The following TAF4B variants were observed in gnomAD, a reference collection of about 807,000 sequenced individuals.
TAF4B encodes transcription initiation factor TFIID subunit 4B.
Under a neutral mutation model 86.4 loss-of-function variants are expected in TAF4B, and 38 were observed. That is an observed-to-expected ratio of 0.44 (90% CI 0.34 to 0.58). The LOEUF is 0.58. Ranked by LOEUF, TAF4B falls within the 20% of genes least tolerant of loss-of-function variation. The probability of loss-of-function intolerance (pLI) is 0.02; values close to 1 mark genes in which losing one functional copy is unlikely to be tolerated. For missense variants in TAF4B, 988 were observed against 1,027.6 expected, an observed-to-expected ratio of 0.96 and a Z score of 0.53; for synonymous variants, 388 against 391.2, an observed-to-expected ratio of 0.99 and a Z score of 0.10.
At chr18:26,243,111 C>T (rs1410239258) in intron 1 of TAF4B, among the ~76,000 whole-genome samples, 1 of 152,092 alleles carries the variant, frequency 6.6e-6, no homozygotes, top group Non-Finnish European at 1.5e-5. Flanking sequence ...TCTGTATTTC[C>T]TGAATTTGAA....
intron 7 of TAF4B, among the ~76,000 whole-genome samples, chr18:26,286,832 C>T (rs573719739): frequency 5.3e-4 from 81 of 152,220 alleles, no homozygotes; most frequent in African/African-American, 1.9e-3. Flanking sequence ...TACAGGTGTG[C>T]ACCACCACGC....
chr18:26,344,791 A>G (rs2057163121), intron 13 of TAF4B, among the ~76,000 whole-genome samples: 1 of 149,464 alleles, frequency 6.7e-6, no homozygotes, highest in Non-Finnish European at 1.5e-5. Flanking sequence ...GGATTTGACT[A>G]GAATGTCAGA....
chr18:26,250,582 G>A (rs978195790), intron 1 of TAF4B, among the ~76,000 whole-genome samples: 3 of 152,008 alleles, frequency 2.0e-5, no homozygotes, highest in East Asian at 1.9e-4. Flanking sequence ...GAGCTGAAGC[G>A]ATCCACCCAC....
rs933292396 is a variant in TAF4B at position 26,381,767 on chromosome 18, A to C, written c.2422-8078A>C. Among the ~76,000 whole-genome samples the C allele has an allele frequency of 9.5e-5, 14 of 147,480 alleles. No individual in the cohort carries two copies. In the South Asian group the frequency reaches 1.3e-3, roughly 13 times the overall value. The stretch of plus-strand genomic sequence containing the variant: ...TAAATAAATAAATAAATAAATAAAT[A>C]AATCCAAACCAAATAGTTAATTATA... On this transcript the variant is annotated intron_variant, in intron 14 of 14. Transcript: ENST00000269142.
intron 9 of TAF4B, among the ~76,000 whole-genome samples, chr18:26,314,624 T>C (rs1484131408): frequency 6.6e-6 from 1 of 152,216 alleles, no homozygotes; most frequent in Non-Finnish European, 1.5e-5. Context: ...ACTAGTTTTA[T>C]ACCATTTGGT....
chr18:26,367,173 A>G (rs938433911), intron 14 of TAF4B, among the ~76,000 whole-genome samples: 1 of 152,216 alleles, frequency 6.6e-6, no homozygotes, highest in Admixed American at 6.5e-5. Context: ...ATGTACATGT[A>G]TGTACAGGGA....
At chr18:26,379,863 G>A (rs2057466381) in intron 14 of TAF4B, among the ~76,000 whole-genome samples, 1 of 152,006 alleles carries the variant, frequency 6.6e-6, no homozygotes, top group African/African-American at 2.4e-5. Flanking sequence ...AGTTTTCCAT[G>A]TACAAGTCTT....
At chr18:26,227,826 A>G (rs1386034571) in intron 1 of TAF4B, among the ~76,000 whole-genome samples, 1 of 152,218 alleles carries the variant, frequency 6.6e-6, no homozygotes, top group Non-Finnish European at 1.5e-5. Context: ...CTAACAGTGA[A>G]GTTCTTGTGT....
intron 9 of TAF4B, among the ~76,000 whole-genome samples, chr18:26,299,055 T>G (rs2056699335): frequency 6.6e-6 from 1 of 151,754 alleles, no homozygotes; most frequent in Non-Finnish European, 1.5e-5. Context: ...GAGACGGGGT[T>G]TCTCCATGTT....
chr18:26,256,187 G>A, intron 1 of TAF4B: 1 of 1,610,832 alleles, frequency 6.2e-7, no homozygotes, highest in South Asian at 1.1e-5. Context: ...TCACAAGCAG[G>A]ACACAGGCAT....
chr18:26,266,622 G>A (rs1312111913), intron 2 of TAF4B: 1 of 152,052 alleles, frequency 6.6e-6, no homozygotes, highest in Non-Finnish European at 1.5e-5. Context: ...AGCACTTTGG[G>A]AGGCTGAGGT....
In TAF4B at chr18:26,227,212, A is replaced by G. The variant is rs756317230; in HGVS notation, c.279A>G (p.Ile93Met). Reference sequence around the variant, plus strand: ...GCCCTAGGCTGCCTGCTCCTCAGATAGTCGCCGTGAAAGCCCCCAACACCA... The same window carrying G: ...GCCCTAGGCTGCCTGCTCCTCAGATGGTCGCCGTGAAAGCCCCCAACACCA... ...SSGPRLPAPQ[I>M]VAVKAPNTTT... Residue 93 changes from isoleucine to methionine, a missense_variant, in exon 1 of 15, where the codon ATA becomes ATG. Ile to Met is a conservative substitution (Grantham distance 10). This residue lies in a region of TAF4B where 747 missense variants were observed against 737.9 expected (regional missense o/e 1.01). Transcript: ENST00000269142. The G allele has an allele frequency of 2.7e-5, 43 of 1,613,930 alleles. No homozygotes were observed. The highest frequency in any genetic ancestry group is 1.3e-4 in the South Asian group (12 of 91,050).
chr18:26,237,952 T>C (rs960235301), intron 1 of TAF4B, among the ~76,000 whole-genome samples: 3 of 152,158 alleles, frequency 2.0e-5, no homozygotes, highest in African/African-American at 7.2e-5. Context: ...CCTGTGGTTT[T>C]TTACCCCTGC....
intron 9 of TAF4B, among the ~76,000 whole-genome samples, chr18:26,312,403 C>T (rs1253607252): frequency 6.6e-6 from 1 of 152,142 alleles, no homozygotes; most frequent in Non-Finnish European, 1.5e-5. Flanking sequence ...CTCCTCTACG[C>T]CTGCCACCAT....
chr18:26,372,225 G>C (rs778483537), intron 14 of TAF4B, among the ~76,000 whole-genome samples: 2 of 152,180 alleles, frequency 1.3e-5, no homozygotes, highest in Non-Finnish European at 2.9e-5. Flanking sequence ...TACCAAAATA[G>C]TAAACTTTCC....
chr18:26,226,972 C>G lies in TAF4B; in HGVS notation c.39C>G (p.Pro13=). The change falls in exon 1 of 15, where the codon CCC becomes CCG. Residue 13 remains proline (P), a synonymous_variant. Transcript: ENST00000269142. The part of the protein sequence containing the change: ...AGLTEPAGAA[P]PAAVSASGTV... ...TCACCGAACCCGCCGGCGCCGCTCC[C>G]CCGGCTGCTGTGAGCGCCTCGGGGA... The G allele has an allele frequency of 7.2e-7, 1 of 1,388,186 alleles. No homozygotes were observed. Among genetic ancestry groups the G allele is most frequent in the South Asian group, 1.6e-5 (1 of 62,206 alleles). 86.0% of individuals were successfully genotyped at this position (1,388,186 alleles called of 1,614,324 possible). A position where few individuals can be genotyped will look rare whatever the true frequency, so the allele number is the denominator to read the frequency against.
At chr18:26,313,945 GAT>G (rs1193573821) in intron 9 of TAF4B, among the ~76,000 whole-genome samples, 3 of 152,112 alleles carry the variant, frequency 2.0e-5, no homozygotes, top group Non-Finnish European at 4.4e-5. Context: ...TGGAATTACA[GAT>G]GGTAGCCACT....
chr18:26,250,205 A>G (rs770565172), intron 1 of TAF4B, among the ~76,000 whole-genome samples: 1 of 152,058 alleles, frequency 6.6e-6, no homozygotes. Context: ...AGCTAATTAT[A>G]AAAATTTTTG....
intron 13 of TAF4B, among the ~76,000 whole-genome samples, chr18:26,341,494 A>G (rs925132492): frequency 1.3e-5 from 2 of 152,200 alleles, no homozygotes; most frequent in African/African-American, 4.8e-5. Context: ...ATTTTACACA[A>G]TTTATAAATC....
Sources: allele counts gnomAD v4.1 joint callset (sites outside exome capture counted in the v4.1 genomes callset), GRCh38; gene constraint gnomAD v4.1.1; regional missense constraint gnomAD v4.1.1; transcripts MANE v1.5; gene names NCBI Gene and HGNC (gene_info 2026-07-23, HGNC 2026-07-21).